The following PTPN3 variants were observed in gnomAD, a reference collection of about 807,000 sequenced individuals.
The protein encoded by PTPN3 is protein tyrosine phosphatase non-receptor type 3.
PTPN3 carries 96 observed loss-of-function variants against 132.7 expected under a neutral mutation model. The observed-to-expected ratio is 0.72, with a 90% CI of 0.61 to 0.86. The LOEUF (loss-of-function observed/expected upper bound fraction) is 0.86. Ranked by LOEUF, PTPN3 falls within the 40% of genes least tolerant of loss-of-function variation. PTPN3 has a pLI of 0.00. For missense variants in PTPN3, 1,125 were observed against 1,159.6 expected (o/e 0.97, Z 0.43); for synonymous variants, 398 against 429.0 (o/e 0.93, Z 0.89).
chr9:109,412,754 G>T (rs930542721), intron 14 of PTPN3, among the ~76,000 whole-genome samples: 13 of 151,958 alleles, frequency 8.6e-5, no homozygotes, highest in African/African-American at 3.1e-4. Context: ...CAATCCTCCT[G>T]CACTGGCCTC....
intron 19 of PTPN3, among the ~76,000 whole-genome samples, chr9:109,397,209 C>T (rs1456973761): frequency 6.6e-6 from 1 of 152,208 alleles, no homozygotes; most frequent in African/African-American, 2.4e-5. Flanking sequence ...TGGCTGTTTG[C>T]TGTATCAGCC....
At chr9:109,474,139 A>G (rs1308756297) in intron 1 of PTPN3, among the ~76,000 whole-genome samples, 1 of 152,060 alleles carries the variant, frequency 6.6e-6, no homozygotes, top group Non-Finnish European at 1.5e-5. Flanking sequence ...CCAGACACTT[A>G]AGAGCCAGCA....
Position 109,491,233 on chromosome 9 carries a change from T to A in PTPN3, c.-18+6986A>T, listed in dbSNP as rs191334864. Among the ~76,000 whole-genome samples the A allele has an allele frequency of 3.7e-3, 554 of 151,600 alleles. 5 individuals carry two copies. Among genetic ancestry groups the A allele is most frequent in the African/African-American group, 0.013 (520 of 41,384 alleles). On this transcript the variant is annotated intron_variant, in intron 1 of 25. Transcript: ENST00000374541. Reference sequence around the variant, plus strand: ...AAAAAAAAGTATATAAAACTTGAGGTTTATAGATTAAACAATGTTGTATCA... The same window carrying A: ...AAAAAAAAGTATATAAAACTTGAGGATTATAGATTAAACAATGTTGTATCA...
rs1839839762 is a variant in PTPN3 at position 109,389,118 on chromosome 9, G to A, written c.2253+115C>T. The A allele has an allele frequency of 1.1e-5, 15 of 1,364,790 alleles. No homozygotes were observed. The Admixed American group carries it at 2.9e-4, about 26-fold the overall frequency. 84.5% of individuals were successfully genotyped at this position (1,364,790 alleles called of 1,614,324 possible). On this transcript the variant is annotated intron_variant, in intron 22 of 25. Coordinates refer to ENST00000374541, the MANE Select transcript of PTPN3 (RefSeq NM_002829.4). ...GGTTGCTCTGTAGAGGAGACTTAGG[G>A]TCACATACGGGCTGGACCAGGAGAC...
At chr9:109,460,733 C>T (rs1347267535) in intron 2 of PTPN3, among the ~76,000 whole-genome samples, 1 of 152,180 alleles carries the variant, frequency 6.6e-6, no homozygotes, top group Non-Finnish European at 1.5e-5. Context: ...CTGGCACTCT[C>T]TCCCTCTTGC....
chr9:109,437,520 C>T (rs1391773521), intron 8 of PTPN3, among the ~76,000 whole-genome samples: 1 of 152,146 alleles, frequency 6.6e-6, no homozygotes, highest in African/African-American at 2.4e-5. Flanking sequence ...TCAGGGTGGC[C>T]TTTATTTGAC....
At chr9:109,502,414 A>G (rs1431794644), upstream of PTPN3, among the ~76,000 whole-genome samples, 1 of 152,204 alleles carries the variant, frequency 6.6e-6, no homozygotes, top group Non-Finnish European at 1.5e-5. Context: ...CCATAAATAC[A>G]TGGGCAAGTG....
chr9:109,460,900 T>C (rs780492010), intron 2 of PTPN3, among the ~76,000 whole-genome samples: 5 of 152,212 alleles, frequency 3.3e-5, no homozygotes, highest in Non-Finnish European at 7.3e-5. Flanking sequence ...CCATAGTAAG[T>C]GCTCAGTAAA....
intron 7 of PTPN3, 25 bp downstream of exon 7, chr9:109,445,215 G>A (rs768669907): frequency 1.7e-5 from 28 of 1,605,750 alleles, no homozygotes; most frequent in African/African-American, 1.6e-4. Flanking sequence ...CTGTCCATCC[G>A]TGAAATGCTC....
intron 14 of PTPN3, among the ~76,000 whole-genome samples, chr9:109,413,886 G>A (rs536431003): frequency 1.9e-4 from 29 of 152,250 alleles, no homozygotes; most frequent in African/African-American, 6.5e-4. Flanking sequence ...ACTCCCGCAC[G>A]AAGCTCTCCC....
chr9:109,393,174 C>T (rs1047535300), intron 19 of PTPN3, among the ~76,000 whole-genome samples: 1 of 152,122 alleles, frequency 6.6e-6, no homozygotes, highest in African/African-American at 2.4e-5. Flanking sequence ...TTTCAAGCTG[C>T]TTTCTCCTAC....
Position 109,382,334 on chromosome 9 carries a change from T to C in PTPN3, c.2496A>G (p.Arg832=). ...LEFVNYVRSL[R]VDSEPVLVHC... ...GAACTAGGACGGGCTCGCTGTCCAC[T>C]CTCAGAGACCTCACATAGTTTACAA... Residue 832 remains arginine, a synonymous_variant, in exon 24 of 26, where the codon AGA becomes AGG. Coordinates refer to ENST00000374541, the MANE Select transcript of PTPN3 (RefSeq NM_002829.4). 6.2e-7 allele frequency: 1 copy of C among 1,614,052 alleles called. No homozygotes were observed. Among genetic ancestry groups the C allele is most frequent in the Non-Finnish European group, 8.5e-7 (1 of 1,179,956 alleles).
At chr9:109,517,697 C>T in the PTPN3 span, among the ~76,000 whole-genome samples, 1 of 152,164 alleles carries the variant, frequency 6.6e-6, no homozygotes, top group African/African-American at 2.4e-5. Flanking sequence ...TGATGGAAAC[C>T]ATAATTTGGG....
intron 11 of PTPN3, among the ~76,000 whole-genome samples, chr9:109,427,771 C>T (rs776724672): frequency 6.6e-5 from 10 of 152,216 alleles, no homozygotes; most frequent in Non-Finnish European, 1.2e-4. Flanking sequence ...GAGTTCACGG[C>T]TCTGTGAGGC....
At position 109,426,941 on chromosome 9, in the gene PTPN3, C is replaced by A; in HGVS notation, c.1001+9G>T. On this transcript the variant is annotated intron_variant, in intron 12 of 25. Coordinates refer to ENST00000374541, the MANE Select transcript of PTPN3 (RefSeq NM_002829.4). Reference sequence around the variant, plus strand: ...CCTAGTGTGGACACAGTCTTTACAGCACACTCACTTTTTGGTGTTCCGAGA... The same window carrying A: ...CCTAGTGTGGACACAGTCTTTACAGAACACTCACTTTTTGGTGTTCCGAGA... 6.2e-7 allele frequency: 1 copy of A among 1,604,064 alleles called. No homozygotes were observed. Among genetic ancestry groups the A allele is most frequent in the Non-Finnish European group, 8.5e-7 (1 of 1,171,246 alleles).
At chr9:109,420,649 T>G (rs1207093680) in intron 13 of PTPN3, 49 bp from the exon 14 acceptor site, 4 of 1,545,588 alleles carry the variant, frequency 2.6e-6, no homozygotes, top group Non-Finnish European at 3.5e-6. Context: ...AAATTCCACT[T>G]AAAAATTTTA....
chr9:109,517,698 A>G, the PTPN3 span, among the ~76,000 whole-genome samples: 98 of 152,298 alleles, frequency 6.4e-4, no homozygotes, highest in Non-Finnish European at 1.2e-3. Context: ...GATGGAAACC[A>G]TAATTTGGGG....
chr9:109,521,722 T>C, the PTPN3 span, among the ~76,000 whole-genome samples: 3 of 152,238 alleles, frequency 2.0e-5, no homozygotes, highest in African/African-American at 7.2e-5. Context: ...TCTTTCCCAC[T>C]AGACTTGAAT....
intron 1 of PTPN3, among the ~76,000 whole-genome samples, chr9:109,491,936 C>G (rs1381881696): frequency 6.6e-6 from 1 of 152,216 alleles, no homozygotes; most frequent in Non-Finnish European, 1.5e-5. Context: ...ACTCCCCCGT[C>G]TGTGGAGTAG....
Sources: allele counts gnomAD v4.1 joint callset (sites outside exome capture counted in the v4.1 genomes callset), GRCh38; gene constraint gnomAD v4.1.1; transcripts MANE v1.5; gene names NCBI Gene and HGNC (gene_info 2026-07-23, HGNC 2026-07-21).